Variants in SLC35D4 observed in about 807,000 individuals in gnomAD.
The protein encoded by SLC35D4 is solute carrier family 35 member D4, also known as UDP-N-acetylglucosamine transporter SLC35D4.
At chr18:23,379,760 G>A in the SLC35D4 span, among the ~76,000 whole-genome samples, 1 of 152,142 alleles carries the variant, frequency 6.6e-6, no homozygotes, top group African/African-American at 2.4e-5. Context: ...TCCTACTGAG[G>A]TCTCAGGGTT....
chr18:23,346,259 G>C, the SLC35D4 span, among the ~76,000 whole-genome samples: 9 of 152,278 alleles, frequency 5.9e-5, 1 homozygote, highest in East Asian at 1.5e-3. Context: ...TCAGCCTCTT[G>C]AGTAGCTGGG....
the SLC35D4 span, among the ~76,000 whole-genome samples, chr18:23,325,218 C>T: frequency 6.6e-6 from 1 of 152,088 alleles, no homozygotes; most frequent in East Asian, 1.9e-4. Flanking sequence ...TTCTCAGGGA[C>T]TAAATTCTGT....
At chr18:23,320,582 A>G in the SLC35D4 span, among the ~76,000 whole-genome samples, 1 of 152,328 alleles carries the variant, frequency 6.6e-6, no homozygotes, top group East Asian at 1.9e-4. Context: ...GAACTGTAGA[A>G]GCTCCAGAGG....
At chr18:23,436,794 A>AAAAAAT in the SLC35D4 span, among the ~76,000 whole-genome samples, 1 of 152,154 alleles carries the variant, frequency 6.6e-6, no homozygotes, top group African/African-American at 2.4e-5. Context: ...CTCTATCTCA[A>AAAAAAT]AAAAATAAAA....
chr18:23,432,709 A>G, the SLC35D4 span, among the ~76,000 whole-genome samples: 3 of 148,818 alleles, frequency 2.0e-5, no homozygotes, highest in Non-Finnish European at 4.5e-5. Flanking sequence ...AAAGAGAAGG[A>G]GCAATTTGGG....
the SLC35D4 span, among the ~76,000 whole-genome samples, chr18:23,391,651 C>A: frequency 6.6e-5 from 10 of 152,174 alleles, no homozygotes; most frequent in Middle Eastern, 3.4e-3. Context: ...CCAGGTCAGG[C>A]TACTTATTTT....
the SLC35D4 span, among the ~76,000 whole-genome samples, chr18:23,345,481 CAAAAAAAAAAAAAAA>C: frequency 0.026 from 1,498 of 57,330 alleles, 32 homozygotes; most frequent in African/African-American, 0.096. Context: ...GACTCCATCT[CAAAAAAAAAAAAAAA>C]AAAAAAAAAA....
At chr18:23,382,944 G>A in the SLC35D4 span, among the ~76,000 whole-genome samples, 1 of 152,250 alleles carries the variant, frequency 6.6e-6, no homozygotes, top group African/African-American at 2.4e-5. Context: ...GGCAGCAGCT[G>A]TGAGGGTAGA....
At chr18:23,416,888 C>T in the SLC35D4 span, among the ~76,000 whole-genome samples, 6 of 152,232 alleles carry the variant, frequency 3.9e-5, no homozygotes, top group African/African-American at 1.4e-4. Context: ...CAACTTCTTG[C>T]AGGGAAGCAA....
chr18:23,253,591 C>T, the SLC35D4 span: 5 of 710,856 alleles, frequency 7.0e-6, no homozygotes, highest in African/African-American at 8.9e-5. Context: ...AGCCTTCACA[C>T]TCCCAGGGAC....
the SLC35D4 span, among the ~76,000 whole-genome samples, chr18:23,338,306 A>G: frequency 6.6e-6 from 1 of 152,224 alleles, no homozygotes. Flanking sequence ...TAGACAGTCC[A>G]CAACTAAATT....
At chr18:23,409,839 G>A in the SLC35D4 span, among the ~76,000 whole-genome samples, 4 of 94,262 alleles carry the variant, frequency 4.2e-5, no homozygotes, top group African/African-American at 8.9e-5. Flanking sequence ...GCAAGACTCC[G>A]TCTCTTAAAA....
chr18:23,367,523 G>A, the SLC35D4 span, among the ~76,000 whole-genome samples: 7 of 151,998 alleles, frequency 4.6e-5, no homozygotes, highest in Admixed American at 2.0e-4. Flanking sequence ...AGATGAATGG[G>A]GCTCACACCA....
chr18:23,261,878 G>A, the SLC35D4 span, among the ~76,000 whole-genome samples: 1 of 152,218 alleles, frequency 6.6e-6, no homozygotes, highest in African/African-American at 2.4e-5. Context: ...AAAGTTGACA[G>A]TTGTGCAAGT....
chr18:23,393,429 CCT>C, the SLC35D4 span, among the ~76,000 whole-genome samples: 3 of 152,208 alleles, frequency 2.0e-5, no homozygotes, highest in South Asian at 2.1e-4. Context: ...TACTCCCACC[CCT>C]GATAGCCACC....
the SLC35D4 span, chr18:23,257,377 C>T: frequency 5.1e-6 from 8 of 1,581,650 alleles, no homozygotes; most frequent in East Asian, 2.3e-5. Context: ...GCACTGGCCC[C>T]GAGGACAGCC....
chr18:23,331,367 CCTTTTCCCAGCAAGTGAAA>C, the SLC35D4 span: 1 of 151,726 alleles, frequency 6.6e-6, no homozygotes, highest in Non-Finnish European at 1.5e-5. Context: ...AGCAAGGTGT[CCTTTTCCCAGCAAGTGAAA>C]CCTGCCCCCC....
chr18:23,414,084 G>A, the SLC35D4 span, among the ~76,000 whole-genome samples: 17 of 147,620 alleles, frequency 1.2e-4, no homozygotes, highest in East Asian at 6.5e-4. Flanking sequence ...GCGAAACCCC[G>A]TCTCTACTGA....
At chr18:23,422,989 A>G in the SLC35D4 span, among the ~76,000 whole-genome samples, 1 of 152,162 alleles carries the variant, frequency 6.6e-6, no homozygotes, top group African/African-American at 2.4e-5. Context: ...CAACCCACCC[A>G]TGTGTTGCGA....
Sources: gnomAD v4.1 joint callset for allele counts (sites outside exome capture counted in the v4.1 genomes callset) on GRCh38, gnomAD v4.1.1 for gene constraint, MANE v1.5 for transcripts, NCBI Gene and HGNC (gene_info 2026-07-23, HGNC 2026-07-21) for gene names.